TENM3: variants seen among roughly 807,000 people sequenced by gnomAD.
TENM3 encodes teneurin-3.
A neutral mutation model predicts 255.1 loss-of-function variants in TENM3; 63 were observed. The ratio of observed to expected loss-of-function variants is 0.25; its 90% CI spans 0.20 to 0.30. The LOEUF is 0.30. Among genes scored for constraint, TENM3 ranks in the 10% least tolerant of loss-of-function variants. TENM3 has a pLI of 1.00. For synonymous variants in TENM3, 1,306 were observed against 1,322.3 expected (o/e 0.99, Z 0.27); for missense variants, 2,929 against 3,461.1 (o/e 0.85, Z 3.86).
intron 1 of TENM3, among the ~76,000 whole-genome samples, chr4:182,236,567 G>A (rs1324922246): frequency 6.6e-6 from 1 of 152,112 alleles, no homozygotes; most frequent in Non-Finnish European, 1.5e-5. Context: ...TTTTCCCAGT[G>A]TAGACGTTAA....
chr4:182,154,390 A>G lies in TENM3; in HGVS notation c.-76+9636A>G, dbSNP rs149505086. ...GTGATCCCAGAATCTGTTACACAATAGTTTTATCAAGTAGCACTAGACTAG... is the reference window on the plus strand; with the variant it reads ...GTGATCCCAGAATCTGTTACACAATGGTTTTATCAAGTAGCACTAGACTAG... On this transcript the variant is annotated intron_variant, in intron 1 of 2. Coordinates refer to the TENM3 transcript ENST00000512480. Among the ~76,000 whole-genome samples the G allele has an allele frequency of 2.8e-4, 43 of 152,270 alleles. No individual in the cohort carries two copies. In the East Asian group the frequency reaches 7.5e-3, roughly 27 times the overall value.
chr4:181,473,931 TATAA>T, the TENM3 span, among the ~76,000 whole-genome samples: 1 of 150,324 alleles, frequency 6.7e-6, no homozygotes, highest in Non-Finnish European at 1.5e-5. Flanking sequence ...ATACTGTATA[TATAA>T]AAATATACTG....
chr4:182,042,897 G>C, the TENM3 span, among the ~76,000 whole-genome samples: 39 of 151,648 alleles, frequency 2.6e-4, no homozygotes, highest in African/African-American at 9.5e-4. Context: ...GTGTGTGTGT[G>C]TGTGTGTGTG....
chr4:182,162,119 A>G (rs1751392106), intron 1 of TENM3, among the ~76,000 whole-genome samples: 1 of 151,700 alleles, frequency 6.6e-6, no homozygotes, highest in African/African-American at 2.4e-5. Context: ...CATGGGCTCA[A>G]GCAGTCCTCC....
chr4:182,241,352 TC>T (rs1335239688), upstream of TENM3, among the ~76,000 whole-genome samples: 2 of 152,114 alleles, frequency 1.3e-5, no homozygotes, highest in Non-Finnish European at 2.9e-5. Context: ...TCTGTTTTTC[TC>T]TAACAAAAAA....
At chr4:181,526,036 C>T in the TENM3 span, among the ~76,000 whole-genome samples, 36 of 152,270 alleles carry the variant, frequency 2.4e-4, no homozygotes, top group African/African-American at 7.7e-4. Context: ...TCAGCTTTCC[C>T]AGACAGTTGT....
chr4:182,586,134 G>C (rs1014710328), intron 3 of TENM3, among the ~76,000 whole-genome samples: 1 of 152,120 alleles, frequency 6.6e-6, no homozygotes, highest in African/African-American at 2.4e-5. Flanking sequence ...CTGCATGCCT[G>C]TAGTACCCGC....
At chr4:182,475,278 TA>T (rs1477810868) in intron 3 of TENM3, among the ~76,000 whole-genome samples, 12 of 152,232 alleles carry the variant, frequency 7.9e-5, no homozygotes, top group African/African-American at 2.9e-4. Context: ...GAAAGTTGGT[TA>T]TTTTTTAAAA....
At chr4:181,902,414 T>C in the TENM3 span, among the ~76,000 whole-genome samples, 1 of 152,130 alleles carries the variant, frequency 6.6e-6, no homozygotes, top group East Asian at 1.9e-4. Flanking sequence ...GGTGTTTTAG[T>C]CAGGAAGTCT....
intron 1 of TENM3, among the ~76,000 whole-genome samples, chr4:182,158,794 A>G (rs1345454889): frequency 6.6e-6 from 1 of 152,180 alleles, no homozygotes; most frequent in African/African-American, 2.4e-5. Context: ...AGCTATAACT[A>G]AAGTATATTG....
chr4:182,074,371 G>A, the TENM3 span, among the ~76,000 whole-genome samples: 2 of 152,170 alleles, frequency 1.3e-5, no homozygotes, highest in South Asian at 2.1e-4. Context: ...TCATTTTATA[G>A]CATCTACCTG....
intron 12 of TENM3, among the ~76,000 whole-genome samples, chr4:182,697,220 C>G (rs879651405): frequency 6.6e-6 from 1 of 152,102 alleles, no homozygotes; most frequent in Non-Finnish European, 1.5e-5. Flanking sequence ...GAATTAGCCT[C>G]GGCTAATTCT....
the TENM3 span, among the ~76,000 whole-genome samples, chr4:181,886,713 C>G: frequency 1.3e-5 from 2 of 152,070 alleles, no homozygotes; most frequent in East Asian, 3.9e-4. Context: ...ATTTCATATT[C>G]AAACTAAAAC....
At chr4:181,875,478 C>G in the TENM3 span, among the ~76,000 whole-genome samples, 1 of 150,044 alleles carries the variant, frequency 6.7e-6, no homozygotes, top group Admixed American at 6.6e-5. Flanking sequence ...CATTCTCTAA[C>G]ACTCTGAAAT....
chr4:182,409,698 G>A lies in TENM3; in HGVS notation c.511+62769G>A, dbSNP rs551868140. On this transcript the variant is annotated intron_variant, in intron 3 of 27. Coordinates refer to ENST00000511685, the MANE Select transcript of TENM3 (RefSeq NM_001080477.4). ...TTTTATGTATGTAAATATATTCTGA[G>A]GACAATGCCATAATGAGAATATTAT... 8.5e-5 allele frequency among the ~76,000 whole-genome samples: 13 copies of A among 152,130 alleles called. 1 individual carries two copies. In the South Asian group the frequency reaches 2.5e-3, roughly 29 times the overall value.
the TENM3 span, among the ~76,000 whole-genome samples, chr4:181,874,018 G>A: frequency 6.6e-6 from 1 of 151,944 alleles, no homozygotes; most frequent in Non-Finnish European, 1.5e-5. Flanking sequence ...ATCCTGACCT[G>A]GTGATTCGCC....
chr4:182,786,587 C>T (rs1765677933), intron 24 of TENM3, among the ~76,000 whole-genome samples: 1 of 151,702 alleles, frequency 6.6e-6, no homozygotes, highest in Non-Finnish European at 1.5e-5. Context: ...AATCAGATGC[C>T]CGAGCAGCAT....
At chr4:181,848,393 T>G in the TENM3 span, among the ~76,000 whole-genome samples, 4 of 152,180 alleles carry the variant, frequency 2.6e-5, no homozygotes, top group African/African-American at 7.2e-5. Flanking sequence ...AGTCTATCGA[T>G]GGGACACAAC....
At chr4:182,498,923 A>G (rs1553966481) in intron 3 of TENM3, among the ~76,000 whole-genome samples, 1 of 152,210 alleles carries the variant, frequency 6.6e-6, no homozygotes, top group Non-Finnish European at 1.5e-5. Context: ...TTCAGTGCAC[A>G]GGATGGTTTA....
Sources: allele counts gnomAD v4.1 joint callset (sites outside exome capture counted in the v4.1 genomes callset), GRCh38; gene constraint gnomAD v4.1.1; transcripts MANE v1.5; gene names NCBI Gene and HGNC (gene_info 2026-07-23, HGNC 2026-07-21).